The following SYNE1 variants were observed in gnomAD, a reference collection of about 807,000 sequenced individuals.
The protein encoded by SYNE1 is nesprin-1.
A neutral mutation model predicts 1,111.0 loss-of-function variants in SYNE1; 616 were observed. The observed-to-expected ratio is 0.55, with a 90% CI of 0.52 to 0.59. The LOEUF is 0.59. Among genes scored for constraint, SYNE1 ranks in the 20% least tolerant of loss-of-function variants. The pLI is 0.00. For missense variants in SYNE1, 10,006 were observed against 10,417.0 expected (o/e 0.96, Z 1.72); for synonymous variants, 3,855 against 3,825.8 (o/e 1.01, Z -0.28).
rs147796581 is a variant in SYNE1 at position 152,254,355 on chromosome 6, G to A, written c.19470+525C>T. On this transcript the variant is annotated intron_variant, in intron 104 of 145. Coordinates refer to ENST00000367255, the MANE Select transcript of SYNE1 (RefSeq NM_182961.4). ...CTACCTCTGCGTCCCGGGTTCAAGCGATCCTCCTGCCTCAGCCTCCAAGTA... is the reference window on the plus strand; with the variant it reads ...CTACCTCTGCGTCCCGGGTTCAAGCAATCCTCCTGCCTCAGCCTCCAAGTA... Among the ~76,000 whole-genome samples, 412 of 147,058 alleles carry A rather than the reference G, an allele frequency of 2.8e-3. 3 individuals carry two copies. Among genetic ancestry groups the A allele is most frequent in the African/African-American group, 9.8e-3 (391 of 39,862 alleles).
chr6:152,441,386 A>G, intron 31 of SYNE1, 116 bp from the exon 32 acceptor site: 1 of 1,093,682 alleles, frequency 9.1e-7, no homozygotes, highest in Non-Finnish European at 1.3e-6. Context: ...AATTTCACAC[A>G]GTCACAATGA....
rs375686353 is a variant in SYNE1 at position 152,325,206 on chromosome 6, C to T, written c.15535G>A (p.Ala5179Thr). Residue 5179 changes from alanine (A) to threonine (T), a missense_variant, in exon 81 of 146, where the codon GCC becomes ACC. Transcript: ENST00000367255. ...GTGGTCATTGACCTGCTCAGGGTGG[C>T]TTTGCTGGCATCATTTCCGGTTTTC... ...LEKTGNDASK[A>T]TLSRSMTTVW... The T allele has an allele frequency of 8.1e-6, 13 of 1,614,142 alleles. No individual in the cohort carries two copies. Among genetic ancestry groups the T allele is most frequent in the Non-Finnish European group, 1.1e-5 (13 of 1,180,038 alleles).
chr6:152,367,067 T>G (rs747444654), intron 62 of SYNE1, 151 bp downstream of exon 62: 1 of 941,876 alleles, frequency 1.1e-6, no homozygotes, highest in South Asian at 1.3e-5. Context: ...CTCTGGCATG[T>G]GCACCCAAGG....
At chr6:152,605,402 T>C (rs1337425143) in intron 3 of SYNE1, among the ~76,000 whole-genome samples, 1 of 152,138 alleles carries the variant, frequency 6.6e-6, no homozygotes, top group African/African-American at 2.4e-5. Context: ...AGCTACTTGG[T>C]ACTTCAAAAT....
chr6:152,140,961 G>A (rs2058397970), intron 139 of SYNE1, among the ~76,000 whole-genome samples: 1 of 152,178 alleles, frequency 6.6e-6, no homozygotes, highest in Non-Finnish European at 1.5e-5. Flanking sequence ...CATGAACCTG[G>A]GAGGCGGAAC....
rs1274620968 is a variant in SYNE1, at chr6:152,447,601, T to C, written c.3526A>G (p.Lys1176Glu). ...AGCCAGCTGAGGGTCTCACCCCTTT[T>C]GGTAACACCATTTCTGATCTCCTGA... ...AVEEIRNGVT[K>E]RGETLSWLKS... The change falls in exon 29 of 146, where the codon AAA (lysine) becomes GAA (glutamate). Residue 1176 changes from lysine to glutamate, a missense_variant. Around this residue, in one of 7 missense-constraint regions of SYNE1, gnomAD observed 1,971 missense variants for 2,084.1 expected, o/e 0.95. Transcript: ENST00000367255. 5 of 1,614,114 alleles carry C rather than the reference T, an allele frequency of 3.1e-6. No homozygotes were observed. The highest frequency in any genetic ancestry group is 4.2e-6 in the Non-Finnish European group (5 of 1,180,038).
At chr6:152,289,751 C>T (rs993738185) in intron 95 of SYNE1, among the ~76,000 whole-genome samples, 1 of 152,050 alleles carries the variant, frequency 6.6e-6, no homozygotes, top group South Asian at 2.1e-4. Context: ...CTCAGCCTCC[C>T]AAGTAGCTGG....
At chr6:152,372,076 C>T (rs947807461) in intron 59 of SYNE1, among the ~76,000 whole-genome samples, 1 of 152,154 alleles carries the variant, frequency 6.6e-6, no homozygotes, top group African/African-American at 2.4e-5. Context: ...GACCTACTCA[C>T]CTACTCTTGG....
chr6:152,219,160 A>G lies in SYNE1; in HGVS notation c.21887T>C (p.Val7296Ala), dbSNP rs1360456118. The G allele has an allele frequency of 6.2e-7, 1 of 1,614,018 alleles. No homozygotes were observed. The highest frequency in any genetic ancestry group is 8.5e-7 in the Non-Finnish European group (1 of 1,179,942). The change falls in exon 120 of 146, where the codon GTT becomes GCT. Residue 7296 changes from valine (V) to alanine (A), a missense_variant. Coordinates refer to ENST00000367255, the MANE Select transcript of SYNE1 (RefSeq NM_182961.4). ...CNDLLKGLGT[V>A]KDSLFFLHEL... The stretch of plus-strand genomic sequence containing the variant: ...ATGGAGAAAAAAGAGGGAATCTTTA[A>G]CTGTGCCCAGTCCTTTGAGGAGGTC...
intron 130 of SYNE1, among the ~76,000 whole-genome samples, chr6:152,175,328 C>T (rs1472179265): frequency 1.3e-5 from 2 of 152,150 alleles, no homozygotes; most frequent in East Asian, 1.9e-4. Flanking sequence ...AGAAATATAT[C>T]CAATGTTTTC....
At chr6:152,391,156 T>C in intron 52 of SYNE1, 121 bp downstream of exon 52, 1 of 1,470,360 alleles carries the variant, frequency 6.8e-7, no homozygotes, top group African/African-American at 1.4e-5. Flanking sequence ...AATTTCTCCA[T>C]TTTGCCCACA....
rs756672754 is a variant in SYNE1 at position 152,409,193 on chromosome 6, G to A, written c.6415C>T (p.Gln2139Ter). 6.2e-7 allele frequency: 1 copy of A among 1,614,016 alleles called. No individual in the cohort carries two copies. The highest frequency in any genetic ancestry group is 1.7e-5 in the Admixed American group (1 of 60,010). ...CTGGTAAAGTTATCCAAGTCTTTCT[G>A]TTTGTAATTCATTTTGTTCTTGGCA... ...ETAKNKMNYK[Q>*]KDLDNFTSKG... The change falls in exon 44 of 146, where the codon CAG becomes TAG. Residue 2139 changes from glutamine to a stop codon, truncating the protein, a stop_gained. Coordinates refer to ENST00000367255, the MANE Select transcript of SYNE1 (RefSeq NM_182961.4). LOFTEE classifies it high-confidence loss of function.
At chr6:152,481,079 G>T in intron 14 of SYNE1, 1 of 272,838 alleles carries the variant, frequency 3.7e-6, no homozygotes, top group South Asian at 3.9e-5. Flanking sequence ...TCCCCCGTAG[G>T]AGATACTACT....
chr6:152,311,514 C>T (rs1002766606), intron 87 of SYNE1, among the ~76,000 whole-genome samples: 6 of 151,978 alleles, frequency 3.9e-5, no homozygotes, highest in Non-Finnish European at 8.8e-5. Context: ...AAAAGTAGAA[C>T]GAAAGAGAAG....
chr6:152,396,735 T>C (rs761200953), intron 50 of SYNE1, 40 bp downstream of exon 50: 1 of 1,569,128 alleles, frequency 6.4e-7, no homozygotes, highest in Admixed American at 1.7e-5. Flanking sequence ...AAAAACACAC[T>C]TGGTGTATGA....
In SYNE1 at chr6:152,220,858, C is replaced by G. The variant is rs1192377777; in HGVS notation, c.21845G>C (p.Trp7282Ser). The G allele has an allele frequency of 6.2e-7, 1 of 1,613,894 alleles. No homozygotes were observed. The highest frequency in any genetic ancestry group is 2.2e-5 in the East Asian group (1 of 44,886). Residue 7282 changes from tryptophan to serine, a missense_variant, in exon 119 of 146, where the codon TGG (tryptophan) becomes TCG (serine). Transcript: ENST00000367255. ...KDIADDEVAT[W>S]IQDCNDLLKG... ...TGAACATACGTTGCAATCTTGAATC[C>G]ATGTGGCAACCTCATCATCGGCAAT...
intron 119 of SYNE1, among the ~76,000 whole-genome samples, chr6:152,220,172 T>C (rs779357286): frequency 1.3e-5 from 2 of 152,218 alleles, no homozygotes; most frequent in Admixed American, 6.5e-5. Flanking sequence ...TTTATTTACA[T>C]AGTTTTTATA....
chr6:152,261,321 T>C (rs1457301903), intron 101 of SYNE1, among the ~76,000 whole-genome samples: 1 of 152,220 alleles, frequency 6.6e-6, no homozygotes, highest in African/African-American at 2.4e-5. Context: ...CTTGTGTTCC[T>C]GACTCCCTCA....
intron 63 of SYNE1, among the ~76,000 whole-genome samples, chr6:152,363,418 C>T (rs1041985121): frequency 2.0e-5 from 3 of 150,416 alleles, no homozygotes; most frequent in Non-Finnish European, 3.0e-5. Context: ...GGCGTGAACC[C>T]GGGAGGCGGA....
Sources: allele counts gnomAD v4.1 joint callset (sites outside exome capture counted in the v4.1 genomes callset), GRCh38; gene constraint gnomAD v4.1.1; regional missense constraint gnomAD v4.1.1; transcripts MANE v1.5; gene names NCBI Gene and HGNC (gene_info 2026-07-23, HGNC 2026-07-21).